AIMP2: variants seen among roughly 807,000 people sequenced by gnomAD.
AIMP2 encodes the protein aminoacyl tRNA synthetase complex interacting multifunctional protein 2, also known as aminoacyl tRNA synthase complex-interacting multifunctional protein 2.
In AIMP2, 20 loss-of-function variants were observed where a neutral mutation model predicts 23.4. The ratio of observed to expected loss-of-function variants is 0.85; its 90% CI spans 0.60 to 1.24. The LOEUF (loss-of-function observed/expected upper bound fraction) is 1.24, where lower values mean the gene tolerates loss of function less well. AIMP2 is among the 50% of genes most tolerant of loss of function. AIMP2 has a pLI of 0.00. For missense variants in AIMP2, 515 were observed against 414.5 expected (o/e 1.24, Z -2.10); for synonymous variants, 210 against 170.4 (o/e 1.23, Z -1.81).
intron 1 of AIMP2, among the ~76,000 whole-genome samples, chr7:6,009,974 A>AATATATACATATATAT (rs1554310936): frequency 1.1e-4 from 3 of 26,660 alleles, no homozygotes; most frequent in Non-Finnish European, 2.0e-4. Flanking sequence ...AAAAAAAAAA[A>AATATATACATATATAT]ATATATATAT....
At chr7:6,012,490 C>T (rs1481811399) in intron 1 of AIMP2, among the ~76,000 whole-genome samples, 1 of 152,160 alleles carries the variant, frequency 6.6e-6, no homozygotes, top group East Asian at 1.9e-4. Context: ...GATCACGCTG[C>T]ACTCAGGGCT....
chr7:6,019,040 T>G (rs1787217238), intron 3 of AIMP2, among the ~76,000 whole-genome samples: 1 of 151,676 alleles, frequency 6.6e-6, no homozygotes, highest in Admixed American at 6.6e-5. Flanking sequence ...AACGTGAAGA[T>G]GAGCATGAAA....
At chr7:6,009,577 G>T (rs1203910319) in intron 1 of AIMP2, 79 bp downstream of exon 1, 1 of 1,312,258 alleles carries the variant, frequency 7.6e-7, no homozygotes, top group Non-Finnish European at 9.8e-7. Flanking sequence ...GCCGGAGCGA[G>T]CGCGTCCCAA....
intron 3 of AIMP2, among the ~76,000 whole-genome samples, chr7:6,021,249 CAGG>C (rs1448884707): frequency 1.4e-5 from 2 of 145,884 alleles, no homozygotes; most frequent in Admixed American, 1.5e-4. Flanking sequence ...GAGGCTGAGG[CAGG>C]AGAATTGCTT....
chr7:6,019,538 G>A (rs895352872), intron 3 of AIMP2, among the ~76,000 whole-genome samples: 3 of 150,354 alleles, frequency 2.0e-5, no homozygotes, highest in East Asian at 3.9e-4. Context: ...TTTTTCCATC[G>A]TGCATTGCCA....
intron 1 of AIMP2, among the ~76,000 whole-genome samples, chr7:6,010,902 G>A (rs1325500436): frequency 1.3e-5 from 2 of 151,816 alleles, no homozygotes; most frequent in African/African-American, 4.8e-5. Context: ...CCTGGCCACA[G>A]GCGATCCTCT....
At chr7:6,014,955 G>C (rs375838025) in intron 1 of AIMP2, 191 bp from the exon 2 acceptor site, 3 of 1,296,510 alleles carry the variant, frequency 2.3e-6, no homozygotes, top group Non-Finnish European at 3.0e-6. Context: ...CCTGACGTCA[G>C]ATGATCTGCC....
rs752838723 is a variant in AIMP2, at chr7:6,015,403, C to G, written c.342+51C>G. The G allele has an allele frequency of 8.9e-6, 14 of 1,581,672 alleles. 1 individual carries two copies. In the South Asian group the frequency reaches 1.3e-4, roughly 15 times the overall value. ...GTTAGTAGGTACTGAGTGGTTAGTG[C>G]AGGGAAATTGTGCTGCTGTGATTAA... is the stretch of plus-strand genomic sequence containing the variant. On this transcript the variant is annotated intron_variant, in intron 2 of 3. Coordinates refer to ENST00000223029, the MANE Select transcript of AIMP2 (RefSeq NM_006303.4).
At chr7:6,023,223 G>T in intron 3 of AIMP2, 80 bp from the exon 4 acceptor site, 1 of 1,469,370 alleles carries the variant, frequency 6.8e-7, no homozygotes, top group South Asian at 1.4e-5. Flanking sequence ...GGTGTTTGGT[G>T]ACTGTCCCCT....
intron 1 of AIMP2, among the ~76,000 whole-genome samples, chr7:6,013,686 C>T (rs1394888906): frequency 6.6e-6 from 1 of 152,120 alleles, no homozygotes; most frequent in African/African-American, 2.4e-5. Flanking sequence ...TGGTGGCTCA[C>T]GGCTGTCTTC....
intron 1 of AIMP2, 188 bp from the exon 2 acceptor site, chr7:6,014,958 G>C (rs184178290): frequency 6.8e-6 from 9 of 1,315,094 alleles, no homozygotes; most frequent in Non-Finnish European, 9.0e-6. Flanking sequence ...GACGTCAGAT[G>C]ATCTGCCTAC....
chr7:6,014,786 C>T (rs556142527), intron 1 of AIMP2: 8 of 223,112 alleles, frequency 3.6e-5, no homozygotes, highest in Admixed American at 1.1e-4. Flanking sequence ...GTGGTGCCAT[C>T]TCGGCTCACT....
intron 3 of AIMP2, among the ~76,000 whole-genome samples, chr7:6,021,008 C>T (rs574034468): frequency 6.6e-6 from 1 of 152,292 alleles, no homozygotes; most frequent in Non-Finnish European, 1.5e-5. Flanking sequence ...TGGATTAATT[C>T]CATTGATGCC....
chr7:6,023,206 A>C (rs1787561700), intron 3 of AIMP2, 97 bp from the exon 4 acceptor site: 1 of 1,355,684 alleles, frequency 7.4e-7, no homozygotes. Context: ...CCATGTCATC[A>C]GTCTGTGGTG....
intron 1 of AIMP2, among the ~76,000 whole-genome samples, chr7:6,013,553 G>A (rs1372173231): frequency 3.3e-5 from 5 of 152,054 alleles, no homozygotes; most frequent in South Asian, 2.1e-4. Flanking sequence ...CAGTCAGCGC[G>A]CCCAGCCTTG....
In AIMP2 at chr7:6,015,252, A is replaced by G. The variant is rs1786950518; in HGVS notation, c.242A>G (p.Gln81Arg). Residue 81 changes from glutamine to arginine, a missense_variant, in exon 2 of 4, where the codon CAA becomes CGA. Transcript: ENST00000223029. ...AAVDGLSKMI[Q>R]TPDADLDVTN... is the part of the protein sequence containing the mutation. The stretch of plus-strand genomic sequence containing the variant: ...GTTGATGGCCTCTCCAAGATGATTC[A>G]AACACCAGATGCAGACTTGGATGTA... The G allele has an allele frequency of 6.2e-7, 1 of 1,614,058 alleles. No individual in the cohort carries two copies.
intron 1 of AIMP2, among the ~76,000 whole-genome samples, chr7:6,010,123 C>T (rs1270432961): frequency 6.6e-6 from 1 of 150,632 alleles, no homozygotes; most frequent in East Asian, 1.9e-4. Flanking sequence ...AGACCCTTGT[C>T]TCTATTTTTT....
rs769933568 is a variant in AIMP2 at position 6,017,872 on chromosome 7, C to T, written c.401C>T (p.Ser134Phe). 37 of 1,614,026 alleles carry T rather than the reference C, an allele frequency of 2.3e-5. No individual in the cohort carries two copies. In the Admixed American group the frequency reaches 5.7e-4, roughly 25 times the overall value. The change falls in exon 3 of 4, where the codon TCC (serine) becomes TTC (phenylalanine). Residue 134 changes from serine (S) to phenylalanine (F), a missense_variant. By Grantham distance (155) the Ser-to-Phe change is radical. Coordinates refer to ENST00000223029, the MANE Select transcript of AIMP2 (RefSeq NM_006303.4). The stretch of plus-strand genomic sequence containing the variant: ...GCAAACCCGGCCTCCCCTCCCCTCT[C>T]CCTGCTTGTGCTGCACAGGCTGCTC... ...INANPASPPL[S>F]LLVLHRLLCE...
intron 2 of AIMP2, among the ~76,000 whole-genome samples, chr7:6,016,580 C>T (rs745324431): frequency 6.6e-6 from 1 of 152,032 alleles, no homozygotes; most frequent in Non-Finnish European, 1.5e-5. Context: ...CGAGCATGCG[C>T]GGCTGAAATG....
Sources: allele counts gnomAD v4.1 joint callset (sites outside exome capture counted in the v4.1 genomes callset), GRCh38; gene constraint gnomAD v4.1.1; transcripts MANE v1.5; gene names NCBI Gene and HGNC (gene_info 2026-07-23, HGNC 2026-07-21).